Variants in LRP1B observed in about 807,000 individuals in gnomAD.
The protein encoded by LRP1B is LDL receptor related protein 1B.
In LRP1B, 217 loss-of-function variants were observed where a neutral mutation model predicts 556.6. The observed-to-expected ratio is 0.39, with a 90% confidence interval of 0.35 to 0.44. The LOEUF is 0.44. Among genes scored for constraint, LRP1B ranks in the 20% least tolerant of loss-of-function variants. LRP1B has a pLI of 1.00. For synonymous variants in LRP1B, 2,047 were observed against 1,865.8 expected (o/e 1.10, Z -2.50); for missense variants, 5,053 against 5,620.8 (o/e 0.90, Z 3.23).
chr2:140,233,016 C>G lies in LRP1B; in HGVS notation c.*170G>C. The G allele has an allele frequency of 2.2e-6, 1 of 457,268 alleles. No homozygotes were observed. The allele number at this position is 457,268 out of a possible 1,614,324, so 28.3% of individuals were successfully genotyped here. A position where few individuals can be genotyped will look rare whatever the true frequency, so the allele number is the denominator to read the frequency against. ...TAAAAATACCATACAAATGGTCAAT[C>G]AATAGTCATCAGCAAAAAATAAAAC... On this transcript the variant is annotated 3_prime_UTR_variant, in exon 91 of 91. Transcript: ENST00000389484.
At chr2:141,781,508 C>T (rs1225755710) in intron 2 of LRP1B, among the ~76,000 whole-genome samples, 1 of 152,162 alleles carries the variant, frequency 6.6e-6, no homozygotes, top group Non-Finnish European at 1.5e-5. Context: ...AGCACTCTAG[C>T]TGCTAGTGAA....
chr2:140,951,836 A>G (rs763035425), intron 19 of LRP1B, 24 bp downstream of exon 19: 33 of 1,581,138 alleles, frequency 2.1e-5, no homozygotes, highest in Middle Eastern at 3.3e-4. Context: ...AATTAGTGCT[A>G]TACAGTGAGC....
chr2:140,483,958 A>G (rs577019301), intron 59 of LRP1B, among the ~76,000 whole-genome samples: 4 of 152,224 alleles, frequency 2.6e-5, no homozygotes, highest in East Asian at 1.9e-4. Context: ...TCAAAAATAA[A>G]CTTTCTTATA....
At chr2:140,475,678 C>A (rs1687945217) in intron 59 of LRP1B, among the ~76,000 whole-genome samples, 1 of 151,492 alleles carries the variant, frequency 6.6e-6, no homozygotes, top group Non-Finnish European at 1.5e-5. Context: ...TGAAGGAATA[C>A]AATTATCACT....
intron 32 of LRP1B, among the ~76,000 whole-genome samples, chr2:140,811,868 T>C (rs1690939012): frequency 6.6e-6 from 1 of 152,080 alleles, no homozygotes; most frequent in Non-Finnish European, 1.5e-5. Flanking sequence ...AACTTCTGGA[T>C]ATATACAATG....
At chr2:140,397,427 C>A (rs555366558) in intron 66 of LRP1B, among the ~76,000 whole-genome samples, 1 of 152,060 alleles carries the variant, frequency 6.6e-6, no homozygotes, top group Non-Finnish European at 1.5e-5. Context: ...TTGAATTAGA[C>A]TTGTATTCCT....
chr2:141,386,258 C>G (rs142972303), intron 3 of LRP1B, among the ~76,000 whole-genome samples: 2 of 152,056 alleles, frequency 1.3e-5, no homozygotes, highest in Non-Finnish European at 2.9e-5. Flanking sequence ...CCCCAAAAAT[C>G]CAAAATCCAA....
chr2:140,891,098 T>G lies in LRP1B; in HGVS notation c.3767-4763A>C, dbSNP rs563687713. 1.8e-4 allele frequency among the ~76,000 whole-genome samples: 28 copies of G among 152,250 alleles called. No homozygotes were observed. The South Asian group carries it at 5.8e-3, about 32-fold the overall frequency. On this transcript the variant is annotated intron_variant, in intron 23 of 90. Coordinates refer to ENST00000389484, the MANE Select transcript of LRP1B (RefSeq NM_018557.3). ...GAGAAGTGGCCTGAAATCTTTCTCC[T>G]TTAGCATATTATAAGAGATGAGATA...
chr2:141,463,598 T>TAA (rs1682023793), intron 3 of LRP1B, among the ~76,000 whole-genome samples: 1 of 106,648 alleles, frequency 9.4e-6, no homozygotes, highest in African/African-American at 4.3e-5. Context: ...ATAATATATA[T>TAA]TATATATTAT....
intron 5 of LRP1B, among the ~76,000 whole-genome samples, chr2:141,240,081 G>A (rs187671962): frequency 4.1e-4 from 63 of 152,126 alleles, no homozygotes; most frequent in Middle Eastern, 6.8e-3. Context: ...GGGAGTCATC[G>A]ACAGAGGCTG....
At chr2:141,862,109 A>G (rs1051260111) in intron 1 of LRP1B, among the ~76,000 whole-genome samples, 6 of 152,192 alleles carry the variant, frequency 3.9e-5, no homozygotes, top group Admixed American at 3.3e-4. Context: ...TAAACCTTTT[A>G]TAATGACTCT....
intron 7 of LRP1B, among the ~76,000 whole-genome samples, chr2:141,141,978 G>A (rs928628406): frequency 1.3e-5 from 2 of 150,928 alleles, no homozygotes; most frequent in East Asian, 1.9e-4. Flanking sequence ...TATATTGTGG[G>A]CCACAATACA....
At chr2:140,986,808 T>C (rs1224242172) in intron 17 of LRP1B, among the ~76,000 whole-genome samples, 1 of 152,208 alleles carries the variant, frequency 6.6e-6, no homozygotes, top group Non-Finnish European at 1.5e-5. Context: ...CTTTGGTAGA[T>C]ATTTAATGAA....
At chr2:141,075,969 T>C (rs1468736271) in intron 7 of LRP1B, among the ~76,000 whole-genome samples, 1 of 152,230 alleles carries the variant, frequency 6.6e-6, no homozygotes, top group African/African-American at 2.4e-5. Flanking sequence ...GCAGTGATGA[T>C]AAAATCATAG....
chr2:141,133,762 C>T (rs973788202), intron 7 of LRP1B, among the ~76,000 whole-genome samples: 2 of 151,900 alleles, frequency 1.3e-5, no homozygotes, highest in African/African-American at 2.4e-5. Flanking sequence ...ATGTATGTTG[C>T]ATTAGTGGTT....
intron 6 of LRP1B, 58 bp downstream of exon 6, chr2:141,229,125 C>G (rs566623828): frequency 6.4e-7 from 1 of 1,558,464 alleles, no homozygotes; most frequent in East Asian, 2.2e-5. Flanking sequence ...ATCCAGCCTA[C>G]GGGTCTGTAA....
In LRP1B at chr2:141,004,292, T is replaced by C. The variant is rs115820692; in HGVS notation, c.2503+1043A>G. Among the ~76,000 whole-genome samples, 1,497 of 152,140 alleles carry C rather than the reference T, an allele frequency of 9.8e-3. 27 individuals carry two copies. The highest frequency in any genetic ancestry group is 0.033 in the African/African-American group (1,377 of 41,538). On this transcript the variant is annotated intron_variant, in intron 15 of 90. Coordinates refer to ENST00000389484, the MANE Select transcript of LRP1B (RefSeq NM_018557.3). ...TGGATGAGATTAACATTTGAATTAG[T>C]AAAGTGAGTGAAGTAGACTGCCCTC...
intron 3 of LRP1B, among the ~76,000 whole-genome samples, chr2:141,377,245 A>C (rs1452309492): frequency 1.3e-5 from 2 of 152,188 alleles, no homozygotes; most frequent in Admixed American, 1.3e-4. Flanking sequence ...CATCCAAAAA[A>C]TATCTAATTT....
At chr2:141,130,292 C>T (rs1439357007) in intron 7 of LRP1B, among the ~76,000 whole-genome samples, 1 of 151,884 alleles carries the variant, frequency 6.6e-6, no homozygotes, top group African/African-American at 2.4e-5. Flanking sequence ...AATAGAAAAA[C>T]AGGCAAATAC....
Sources: allele counts gnomAD v4.1 joint callset (sites outside exome capture counted in the v4.1 genomes callset), GRCh38; gene constraint gnomAD v4.1.1; transcripts MANE v1.5; gene names NCBI Gene and HGNC (gene_info 2026-07-23, HGNC 2026-07-21).